CDKL4: variants seen among roughly 807,000 people sequenced by gnomAD.
CDKL4 encodes cyclin-dependent kinase-like 4.
Under a neutral mutation model 42.0 loss-of-function variants are expected in CDKL4, and 44 were observed. The observed-to-expected ratio is 1.05, with a 90% CI of 0.82 to 1.35. The LOEUF (loss-of-function observed/expected upper bound fraction) is 1.35. CDKL4 is among the 40% of genes most tolerant of loss of function. CDKL4 has a pLI of 0.00. For synonymous variants in CDKL4, 120 were observed against 121.6 expected, an observed-to-expected ratio of 0.99 and a Z score of 0.09; for missense variants, 393 against 369.9, an observed-to-expected ratio of 1.06 and a Z score of -0.51.
chr2:39,179,333 G>A lies in CDKL4; in HGVS notation c.793-12C>T. ...ATCTTCAGACACCCCTTTGGAGGAA[G>A]AGAATAGCAAAGAAGATGTTAAGGG... On this transcript the variant is annotated splice_polypyrimidine_tract_variant and intron_variant, in intron 8 of 9. Coordinates refer to ENST00000451199, the Ensembl canonical transcript of CDKL4. The A allele has an allele frequency of 6.3e-7, 1 of 1,580,692 alleles. No homozygotes were observed. Among genetic ancestry groups the A allele is most frequent in the East Asian group, 2.2e-5 (1 of 44,492 alleles).
At chr2:39,190,069 T>C (rs147337354) in intron 6 of CDKL4, among the ~76,000 whole-genome samples, 4 of 152,192 alleles carry the variant, frequency 2.6e-5, no homozygotes, top group African/African-American at 7.2e-5. Flanking sequence ...CCATGGCTAA[T>C]TGACTTTTCC....
At chr2:39,185,010 T>C (rs1334374602) in intron 7 of CDKL4, among the ~76,000 whole-genome samples, 5 of 150,776 alleles carry the variant, frequency 3.3e-5, no homozygotes. Context: ...GCAGGGATTA[T>C]AGGGGTGAGC....
intron 1 of CDKL4, among the ~76,000 whole-genome samples, chr2:39,233,555 G>A (rs929869722): frequency 6.6e-6 from 1 of 152,104 alleles, no homozygotes; most frequent in Non-Finnish European, 1.5e-5. Context: ...GAAAGAAACT[G>A]CATTTTACTA....
intron 9 of CDKL4, chr2:39,178,691 T>A: frequency 5.0e-6 from 8 of 1,609,080 alleles, no homozygotes; most frequent in Non-Finnish European, 6.8e-6. Flanking sequence ...ATGTCTGGGT[T>A]TCATTCCTTT....
chr2:39,225,611 C>G (rs959247141), intron 3 of CDKL4, among the ~76,000 whole-genome samples: 1 of 152,150 alleles, frequency 6.6e-6, no homozygotes, highest in South Asian at 2.1e-4. Context: ...AATTTAGCCT[C>G]AAATTCATTT....
At chr2:39,207,722 A>G (rs1039379102) in intron 4 of CDKL4, among the ~76,000 whole-genome samples, 2 of 152,236 alleles carry the variant, frequency 1.3e-5, no homozygotes, top group African/African-American at 4.8e-5. Flanking sequence ...CCAAAGAAAC[A>G]GGAAAATTTA....
intron 1 of CDKL4, among the ~76,000 whole-genome samples, chr2:39,235,389 G>T (rs1679315904): frequency 6.6e-6 from 1 of 152,124 alleles, no homozygotes; most frequent in Admixed American, 6.5e-5. Context: ...TGACAAAGTA[G>T]AAAGTAATGC....
exon 10 of CDKL4, chr2:39,175,788 T>C: frequency 6.7e-6 from 2 of 299,464 alleles, no homozygotes; most frequent in East Asian, 8.5e-5. Context: ...AGTTTTAGGC[T>C]TTATAACATT....
chr2:39,227,224 T>C (rs72921039), intron 2 of CDKL4, among the ~76,000 whole-genome samples: 6,306 of 152,298 alleles, frequency 0.041, 446 homozygotes, highest in African/African-American at 0.14. Context: ...TTTCCCAGTA[T>C]AGTAGACAAA....
intron 1 of CDKL4, among the ~76,000 whole-genome samples, chr2:39,237,071 G>A (rs995889714): frequency 2.6e-5 from 4 of 152,142 alleles, no homozygotes; most frequent in Non-Finnish European, 5.9e-5. Context: ...AGAAGTCAAA[G>A]TCAGACAAAG....
chr2:39,205,567 T>C (rs1677112078), intron 4 of CDKL4, among the ~76,000 whole-genome samples: 1 of 151,704 alleles, frequency 6.6e-6, no homozygotes, highest in Admixed American at 6.6e-5. Context: ...GAGACCATCC[T>C]GGCCAACACG....
intron 5 of CDKL4, among the ~76,000 whole-genome samples, chr2:39,199,197 G>C (rs940347178): frequency 6.6e-6 from 1 of 151,942 alleles, no homozygotes; most frequent in African/African-American, 2.4e-5. Flanking sequence ...ATCACTCAAG[G>C]CTCCTATGAA....
chr2:39,231,693 T>C (rs921112939), intron 1 of CDKL4, among the ~76,000 whole-genome samples: 2 of 152,254 alleles, frequency 1.3e-5, no homozygotes, highest in African/African-American at 4.8e-5. Context: ...TGAGCATGCA[T>C]ACATTTGCAT....
intron 3 of CDKL4, among the ~76,000 whole-genome samples, chr2:39,217,343 C>T (rs1281168750): frequency 6.6e-6 from 1 of 152,082 alleles, no homozygotes; most frequent in South Asian, 2.1e-4. Context: ...TCTGAATGGG[C>T]TAACAAGATA....
At chr2:39,184,722 ATG>A (rs141702509) in intron 7 of CDKL4, 75 bp from the exon 8 acceptor site, 83,413 of 720,380 alleles carry the variant, frequency 0.12, 328 homozygotes, top group East Asian at 0.16. Context: ...GTGCGTATGT[ATG>A]TGTGTGTGTG....
chr2:39,233,879 G>GAT (rs35424282), intron 1 of CDKL4, among the ~76,000 whole-genome samples: 63 of 136,860 alleles, frequency 4.6e-4, no homozygotes, highest in East Asian at 3.7e-3. Flanking sequence ...TATTTAAGAA[G>GAT]ATATATATAT....
intron 1 of CDKL4, among the ~76,000 whole-genome samples, chr2:39,233,506 C>T (rs1035699577): frequency 1.8e-4 from 27 of 152,254 alleles, no homozygotes; most frequent in African/African-American, 6.3e-4. Flanking sequence ...CATGCGAATC[C>T]TCCCATCACC....
intron 8 of CDKL4, among the ~76,000 whole-genome samples, chr2:39,180,267 C>G (rs998085575): frequency 6.6e-6 from 1 of 152,214 alleles, no homozygotes; most frequent in Non-Finnish European, 1.5e-5. Context: ...GCACAGACGA[C>G]CTGACAATTA....
chr2:39,183,582 C>T (rs1675559981), intron 8 of CDKL4, among the ~76,000 whole-genome samples: 1 of 152,168 alleles, frequency 6.6e-6, no homozygotes, highest in Admixed American at 6.5e-5. Flanking sequence ...CTCTGGCTTC[C>T]ATCTGAGAAT....
Sources: gnomAD v4.1 joint callset for allele counts (sites outside exome capture counted in the v4.1 genomes callset) on GRCh38, gnomAD v4.1.1 for gene constraint, MANE v1.5 for transcripts, NCBI Gene and HGNC (gene_info 2026-07-23, HGNC 2026-07-21) for gene names.